The following NEK1 variants were observed in gnomAD, a reference collection of about 807,000 sequenced individuals.
NEK1 encodes serine/threonine-protein kinase Nek1.
In NEK1, 137 loss-of-function variants were observed where a neutral mutation model predicts 182.1. That is an observed-to-expected ratio of 0.75 (90% CI 0.65 to 0.87). The LOEUF is 0.87. Ranked by LOEUF, NEK1 falls within the 40% of genes least tolerant of loss-of-function variation. The pLI, the probability that NEK1 is intolerant of heterozygous loss-of-function variation, is 0.00. For missense variants in NEK1, 1,391 were observed against 1,494.4 expected, an observed-to-expected ratio of 0.93 and a Z score of 1.14; for synonymous variants, 513 against 492.2, an observed-to-expected ratio of 1.04 and a Z score of -0.56.
At chr4:169,502,987 T>C (rs1299108847) in intron 23 of NEK1, among the ~76,000 whole-genome samples, 1 of 151,480 alleles carries the variant, frequency 6.6e-6, no homozygotes, top group Non-Finnish European at 1.5e-5. Context: ...ATTCTAACAA[T>C]TCCACCATGA....
At chr4:169,435,653 A>G (rs1738276439) in intron 28 of NEK1, among the ~76,000 whole-genome samples, 1 of 152,158 alleles carries the variant, frequency 6.6e-6, no homozygotes, top group Non-Finnish European at 1.5e-5. Flanking sequence ...CTTCTATTTG[A>G]TATCTGGAAG....
chr4:169,427,876 G>A (rs753183957), intron 29 of NEK1, among the ~76,000 whole-genome samples: 1 of 152,074 alleles, frequency 6.6e-6, no homozygotes, highest in Non-Finnish European at 1.5e-5. Flanking sequence ...CTGGAGTGCA[G>A]TGGAATAATC....
At chr4:169,576,737 T>G (rs922286375) in intron 12 of NEK1, 191 bp downstream of exon 12, 56 of 477,436 alleles carry the variant, frequency 1.2e-4, no homozygotes, top group Non-Finnish European at 2.0e-4. Flanking sequence ...ACTTAATATA[T>G]TTACTTAATG....
intron 35 of NEK1, among the ~76,000 whole-genome samples, chr4:169,398,756 T>C (rs1230609960): frequency 6.6e-6 from 1 of 152,186 alleles, no homozygotes; most frequent in Non-Finnish European, 1.5e-5. Context: ...TCTTAGACTT[T>C]TTTGTATGAA....
intron 18 of NEK1, among the ~76,000 whole-genome samples, chr4:169,550,109 G>C (rs943321038): frequency 1.3e-5 from 2 of 152,154 alleles, no homozygotes; most frequent in Non-Finnish European, 2.9e-5. Context: ...TTGTGGGAGG[G>C]ACCTGGTGGG....
intron 5 of NEK1, among the ~76,000 whole-genome samples, chr4:169,597,461 T>C (rs1469469276): frequency 6.6e-6 from 1 of 151,134 alleles, no homozygotes; most frequent in Non-Finnish European, 1.5e-5. Flanking sequence ...AAAAAAAAAA[T>C]AATAATAAAA....
chr4:169,534,296 G>A (rs1214714610), intron 19 of NEK1, among the ~76,000 whole-genome samples: 1 of 152,156 alleles, frequency 6.6e-6, no homozygotes, highest in Admixed American at 6.5e-5. Flanking sequence ...AACAAAGGTG[G>A]TAAACCCAAC....
intron 28 of NEK1, among the ~76,000 whole-genome samples, chr4:169,435,230 C>T (rs1026269010): frequency 2.0e-5 from 3 of 150,434 alleles, no homozygotes; most frequent in African/African-American, 5.0e-5. Context: ...TCCTTGTATC[C>T]GTATGTGGTA....
At chr4:169,546,300 G>A (rs1228330459) in intron 18 of NEK1, among the ~76,000 whole-genome samples, 1 of 152,194 alleles carries the variant, frequency 6.6e-6, no homozygotes, top group Non-Finnish European at 1.5e-5. Flanking sequence ...GATTTTGAGT[G>A]AGTTTCTTAA....
Position 169,406,711 on chromosome 4 carries a change from G to A in NEK1, c.3259C>T (p.Leu1087=). Residue 1087 remains leucine (L), a synonymous_variant, in exon 32 of 36, where the codon CTG becomes TTG. Coordinates refer to ENST00000507142, the MANE Select transcript of NEK1 (RefSeq NM_001199397.3). ...GGAACATCCATAAGGGTTCTGAACA[G>A]CTTTGAGAGATCTGGAAGTGAACAT... ...RTCSLPDLSK[L]FRTLMDVPTV... 9 of 1,605,512 alleles carry A rather than the reference G, an allele frequency of 5.6e-6. No individual in the cohort carries two copies. The highest frequency in any genetic ancestry group is 7.6e-6 in the Non-Finnish European group (9 of 1,176,796).
At chr4:169,576,784 A>G in intron 12 of NEK1, 144 bp downstream of exon 12, 1 of 721,582 alleles carries the variant, frequency 1.4e-6, no homozygotes, top group African/African-American at 1.8e-5. Flanking sequence ...TCAGTTTTAG[A>G]GGACTGGTAA....
At chr4:169,539,399 C>A (rs971429487) in intron 18 of NEK1, among the ~76,000 whole-genome samples, 11 of 152,070 alleles carry the variant, frequency 7.2e-5, no homozygotes. Context: ...GGCAGATAAA[C>A]CTTCAAATGT....
At chr4:169,441,726 T>C (rs1188453892) in intron 27 of NEK1, among the ~76,000 whole-genome samples, 1 of 151,650 alleles carries the variant, frequency 6.6e-6, no homozygotes, top group Non-Finnish European at 1.5e-5. Flanking sequence ...TCCAGGGGCT[T>C]GGGAAAGGGC....
intron 31 of NEK1, among the ~76,000 whole-genome samples, chr4:169,409,871 T>C (rs1733359940): frequency 6.6e-6 from 1 of 152,210 alleles, no homozygotes; most frequent in South Asian, 2.1e-4. Context: ...TTAGTGATGT[T>C]GAGCAGTTTT....
At chr4:169,481,454 T>C (rs947891327) in intron 23 of NEK1, among the ~76,000 whole-genome samples, 3 of 152,228 alleles carry the variant, frequency 2.0e-5, no homozygotes, top group African/African-American at 7.2e-5. Context: ...AAAGTCAAAA[T>C]GACTTCTTGA....
intron 27 of NEK1, among the ~76,000 whole-genome samples, chr4:169,458,850 T>C (rs181051998): frequency 2.2e-4 from 32 of 145,694 alleles, no homozygotes; most frequent in African/African-American, 7.6e-4. Flanking sequence ...AAAAAGACAA[T>C]GTCAAGAGAA....
At chr4:169,602,412 A>T in intron 3 of NEK1, 102 bp downstream of exon 3, 1 of 706,018 alleles carries the variant, frequency 1.4e-6, no homozygotes, top group Non-Finnish European at 2.4e-6. Flanking sequence ...CTTTTGCTTT[A>T]GGTTATCGAT....
chr4:169,515,707 G>A (rs1169541038), intron 19 of NEK1, among the ~76,000 whole-genome samples: 4 of 93,010 alleles, frequency 4.3e-5, no homozygotes, highest in African/African-American at 1.3e-4. Context: ...CTGTGTCCAT[G>A]TGATCTCATT....
chr4:169,477,681 A>C (rs1747220786), intron 24 of NEK1, among the ~76,000 whole-genome samples, 184 bp from the exon 25 acceptor site: 1 of 151,980 alleles, frequency 6.6e-6, no homozygotes, highest in African/African-American at 2.4e-5. Context: ...AATATTATTA[A>C]TTAGACAACA....
Sources: gnomAD v4.1 joint callset for allele counts (sites outside exome capture counted in the v4.1 genomes callset) on GRCh38, gnomAD v4.1.1 for gene constraint, MANE v1.5 for transcripts, NCBI Gene and HGNC (gene_info 2026-07-23, HGNC 2026-07-21) for gene names.